Variants in AMMECR1L observed in about 807,000 individuals in gnomAD.
AMMECR1L encodes the protein AMMECR1-like protein.
AMMECR1L carries 4 observed loss-of-function variants against 36.8 expected under a neutral mutation model. The observed-to-expected ratio is 0.11, with a 90% CI of 0.05 to 0.25. AMMECR1L has a LOEUF of 0.25. AMMECR1L is among the 10% of genes least tolerant of loss of function. The probability of loss-of-function intolerance (pLI) is 1.00; values close to 1 mark genes in which losing one functional copy is unlikely to be tolerated. For missense variants in AMMECR1L, 232 were observed against 392.1 expected (o/e 0.59, Z 3.45); for synonymous variants, 147 against 148.0 (o/e 0.99, Z 0.05).
chr2:127,871,428 G>C lies in AMMECR1L; in HGVS notation c.408-69C>G. ...TCATGGATAAGAACAAAACCTTTTG[G>C]CTTTGTCCCTATTCATTTCTGTTAT... On this transcript the variant is annotated intron_variant, in intron 3 of 7. Transcript: ENST00000272647. This position sits in a 1 kb window ranked among gnomAD's most constrained non-coding sequence, Gnocchi z 4.3. 1.3e-6 allele frequency: 2 copies of C among 1,490,064 alleles called. No individual in the cohort carries two copies. Among genetic ancestry groups the C allele is most frequent in the Admixed American group, 3.8e-5 (2 of 52,578 alleles). The allele number at this position is 1,490,064 out of a possible 1,614,324, so 92.3% of individuals were successfully genotyped here. A position where few individuals can be genotyped will look rare whatever the true frequency, so the allele number is the denominator to read the frequency against.
chr2:127,867,026 A>C, intron 6 of AMMECR1L, 30 bp from the exon 7 acceptor site: 1 of 1,613,158 alleles, frequency 6.2e-7, no homozygotes, highest in African/African-American at 1.3e-5. Context: ...CACTGAGGTC[A>C]ATGCACATGC....
intron 5 of AMMECR1L, among the ~76,000 whole-genome samples, chr2:127,870,312 CA>C (rs552288496): frequency 2.9e-3 from 373 of 130,858 alleles, no homozygotes; most frequent in African/African-American, 4.1e-3. Context: ...GACTCTGTCT[CA>C]AAAAAAAAAA....
At chr2:127,880,242 T>C (rs181997826) in intron 2 of AMMECR1L, among the ~76,000 whole-genome samples, 27 of 152,320 alleles carry the variant, frequency 1.8e-4, no homozygotes, top group African/African-American at 5.5e-4. Flanking sequence ...AGCTGGTTAC[T>C]TGCACAAAGC....
chr2:127,870,899 A>AG lies in AMMECR1L; in HGVS notation c.547dup (p.Leu183ProfsTer8), dbSNP rs779366713. 1 of 1,613,492 alleles carries AG rather than the reference A, an allele frequency of 6.2e-7. No homozygotes were observed. The highest frequency in any genetic ancestry group is 8.5e-7 in the Non-Finnish European group (1 of 1,179,748). On this transcript the variant is annotated frameshift_variant, in exon 5 of 8. Transcript: ENST00000272647. LOFTEE classifies it high-confidence loss of function. ...AAGTTTAGGCAGCTCCTCTCGGGTC[A>AG]GGGGGGGAAATCGGCTGTCCTTAAG...
chr2:127,877,817 G>A (rs1285899213), intron 2 of AMMECR1L, among the ~76,000 whole-genome samples: 1 of 152,170 alleles, frequency 6.6e-6, no homozygotes, highest in Non-Finnish European at 1.5e-5. Context: ...AACACTTTGG[G>A]AGGTCGATCG....
At chr2:127,880,773 T>TACACACAC (rs56950354) in intron 2 of AMMECR1L, among the ~76,000 whole-genome samples, 3,318 of 148,966 alleles carry the variant, frequency 0.022, 61 homozygotes, top group South Asian at 0.03. Flanking sequence ...ACATACAGTA[T>TACACACAC]ACACACACAC....
chr2:127,875,703 T>C (rs1215596186), intron 2 of AMMECR1L, among the ~76,000 whole-genome samples: 1 of 152,234 alleles, frequency 6.6e-6, no homozygotes, highest in Non-Finnish European at 1.5e-5. Context: ...AAGCTCTCTG[T>C]GGCCGAAGAA....
At chr2:127,884,742 C>T (rs1691673645) in intron 1 of AMMECR1L, 1 of 152,254 alleles carries the variant, frequency 6.6e-6, no homozygotes, top group Non-Finnish European at 1.5e-5. Context: ...CTGGACAGCA[C>T]GCCAGAGGCA....
At chr2:127,885,094 G>C (rs1315794844) in intron 1 of AMMECR1L, 175 of 929,342 alleles carry the variant, frequency 1.9e-4, no homozygotes, top group Non-Finnish European at 2.2e-4. Context: ...GCCTGGGAAA[G>C]AGAGGCATGA....
rs888153499 is a variant in AMMECR1L at position 127,867,088 on chromosome 2, G to A, written c.725-92C>T. 3.7e-5 allele frequency: 58 copies of A among 1,569,138 alleles called. No homozygotes were observed. In the Middle Eastern group the frequency reaches 5.9e-4, roughly 16 times the overall value. ...CCGTGCAAGAAGAGAAATGGGACTC[G>A]AGAAGCAGCCGAGTCTGCTAAGGCA... On this transcript the variant is annotated intron_variant, in intron 6 of 7. Transcript: ENST00000272647.
rs529581466 is a variant in AMMECR1L, at chr2:127,882,748, C to T, written c.-39+1455G>A. Among the ~76,000 whole-genome samples, 31 of 152,032 alleles carry T rather than the reference C, an allele frequency of 2.0e-4. No homozygotes were observed. The South Asian group carries it at 2.1e-3, about 10-fold the overall frequency. Reference sequence around the variant, plus strand: ...AGCTGGGACCACCGCCATGCACCACCACACTCGGCCAATTTTTAAAAATTT... The same window carrying T: ...AGCTGGGACCACCGCCATGCACCACTACACTCGGCCAATTTTTAAAAATTT... On this transcript the variant is annotated intron_variant, in intron 2 of 7. Coordinates refer to ENST00000272647, the MANE Select transcript of AMMECR1L (RefSeq NM_001199140.2).
chr2:127,875,155 ATTT>A (rs34145290), intron 2 of AMMECR1L, among the ~76,000 whole-genome samples: 1 of 150,360 alleles, frequency 6.7e-6, no homozygotes, highest in Non-Finnish European at 1.5e-5. Flanking sequence ...GAAGGAAGGG[ATTT>A]TTTTTTTAAT....
In AMMECR1L at chr2:127,863,664, T is replaced by C. The variant is rs188020877; in HGVS notation, c.*1430A>G. 6.5e-6 allele frequency: 1 copy of C among 152,820 alleles called. No individual in the cohort carries two copies. The highest frequency in any genetic ancestry group is 2.4e-5 in the African/African-American group (1 of 41,588). The allele number at this position is 152,820 out of a possible 1,614,324, so 9.5% of individuals were successfully genotyped here. On this transcript the variant is annotated 3_prime_UTR_variant, in exon 8 of 8. Coordinates refer to ENST00000272647, the MANE Select transcript of AMMECR1L (RefSeq NM_001199140.2). ...CCACTTCATGAGTTCTCTAAGCATG[T>C]TGTTGAAAACCAGTGTCACATCCTT...
rs1464790811 is a variant in AMMECR1L, at chr2:127,863,048, CTTTT to C, written c.*2042_*2045del. 6.6e-6 allele frequency: 1 copy of C among 152,410 alleles called. No homozygotes were observed. The highest frequency in any genetic ancestry group is 1.5e-5 in the Non-Finnish European group (1 of 68,006). The allele number at this position is 152,410 out of a possible 1,614,324, so 9.4% of individuals were successfully genotyped here. The stretch of plus-strand genomic sequence containing the variant: ...TGAAGGTTTAGCACCAATTTTTTTG[CTTTT>C]TTTAATCTTTAGAAATTAAACACAA... On this transcript the variant is annotated 3_prime_UTR_variant, in exon 8 of 8. Coordinates refer to ENST00000272647, the MANE Select transcript of AMMECR1L (RefSeq NM_001199140.2).
At position 127,862,146 on chromosome 2, in the gene AMMECR1L, G is replaced by C. The variant is rs1009903257; in HGVS notation, c.*2948C>G. The C allele has an allele frequency of 6.5e-6, 1 of 153,678 alleles. No homozygotes were observed. The highest frequency in any genetic ancestry group is 2.4e-5 in the African/African-American group (1 of 41,414). The allele number at this position is 153,678 out of a possible 1,614,324, so 9.5% of individuals were successfully genotyped here. A position where few individuals can be genotyped will look rare whatever the true frequency, so the allele number is the denominator to read the frequency against. On this transcript the variant is annotated 3_prime_UTR_variant, in exon 8 of 8. Transcript: ENST00000272647. ...AAAACAAGGACAATTCATAATTACA[G>C]AGAGAATGTCCTAGCTGTGGGTATT... is the stretch of plus-strand genomic sequence containing the variant.
At chr2:127,870,496 A>C (rs1229163535) in intron 5 of AMMECR1L, among the ~76,000 whole-genome samples, 1 of 151,986 alleles carries the variant, frequency 6.6e-6, no homozygotes, top group Admixed American at 6.5e-5. Context: ...ACAAGCAAAC[A>C]AAAACTTTTA....
At chr2:127,878,492 T>C (rs1691349579) in intron 2 of AMMECR1L, among the ~76,000 whole-genome samples, 1 of 147,284 alleles carries the variant, frequency 6.8e-6, no homozygotes. Context: ...AAGGAAAAGC[T>C]AAATGTCGTG....
At chr2:127,879,640 C>T (rs1050125377) in intron 2 of AMMECR1L, among the ~76,000 whole-genome samples, 1 of 152,130 alleles carries the variant, frequency 6.6e-6, no homozygotes, top group Non-Finnish European at 1.5e-5. Flanking sequence ...TAAACATCAA[C>T]CACTATCAAC....
chr2:127,870,951 G>A (rs1432568310), intron 4 of AMMECR1L, 23 bp from the exon 5 acceptor site: 2 of 1,578,814 alleles, frequency 1.3e-6, no homozygotes, highest in Non-Finnish European at 8.7e-7. Flanking sequence ...AGAAAACATA[G>A]GTAAGGCTGC....
Sources: gnomAD v4.1 joint callset for allele counts (sites outside exome capture counted in the v4.1 genomes callset) on GRCh38, gnomAD v4.1.1 for gene constraint, Gnocchi (gnomAD v3.1) non-coding constraint, MANE v1.5 for transcripts, NCBI Gene and HGNC (gene_info 2026-07-23, HGNC 2026-07-21) for gene names.